Variants in LYPD6 observed in about 807,000 individuals in gnomAD.
LYPD6 encodes the protein LY6/PLAUR domain containing 6, also known as ly6/PLAUR domain-containing protein 6.
Under a neutral mutation model 22.7 loss-of-function variants are expected in LYPD6, and 15 were observed. The ratio of observed to expected loss-of-function variants is 0.66; its 90% CI spans 0.44 to 1.02. LYPD6 has a LOEUF of 1.02. Ranked by LOEUF, LYPD6 falls within the 50% of genes least tolerant of loss-of-function variation. LYPD6 has a pLI of 0.00. For synonymous variants in LYPD6, 72 were observed against 77.5 expected, an observed-to-expected ratio of 0.93 and a Z score of 0.37; for missense variants, 189 against 208.4, an observed-to-expected ratio of 0.91 and a Z score of 0.57.
chr2:149,365,493 A>C (rs140059761), intron 1 of LYPD6, among the ~76,000 whole-genome samples: 1 of 152,266 alleles, frequency 6.6e-6, no homozygotes, highest in East Asian at 1.9e-4. Flanking sequence ...TTTAATGCAC[A>C]AATGGATCTG....
chr2:149,481,831 A>G, the LYPD6 span, among the ~76,000 whole-genome samples: 1 of 152,238 alleles, frequency 6.6e-6, no homozygotes, highest in Non-Finnish European at 1.5e-5. Context: ...TTCCAATTTT[A>G]TGCAATGTGG....
intron 2 of LYPD6, among the ~76,000 whole-genome samples, chr2:149,440,761 T>C (rs955510725): frequency 7.0e-6 from 1 of 143,630 alleles, no homozygotes; most frequent in East Asian, 2.1e-4. Context: ...AGTGCAGTGG[T>C]GCGATCTTGG....
At chr2:149,415,987 T>C (rs1470277082) in intron 1 of LYPD6, among the ~76,000 whole-genome samples, 1 of 152,164 alleles carries the variant, frequency 6.6e-6, no homozygotes. Context: ...CAGCCTAACC[T>C]GTAATTCTAA....
At chr2:149,416,825 G>A (rs576323787) in intron 1 of LYPD6, among the ~76,000 whole-genome samples, 1 of 152,286 alleles carries the variant, frequency 6.6e-6, no homozygotes, top group South Asian at 2.1e-4. Context: ...TCGCCTCCTA[G>A]CTGGTGCTTC....
chr2:149,433,013 C>T (rs1683351603), intron 1 of LYPD6, among the ~76,000 whole-genome samples: 1 of 152,094 alleles, frequency 6.6e-6, no homozygotes, highest in Non-Finnish European at 1.5e-5. Context: ...AATATTAAAA[C>T]ACTCCTTAAG....
At chr2:149,379,572 A>C (rs1398583815) in intron 1 of LYPD6, among the ~76,000 whole-genome samples, 1 of 152,202 alleles carries the variant, frequency 6.6e-6, no homozygotes, top group African/African-American at 2.4e-5. Context: ...ATCGTGATTG[A>C]ACTTACCTTG....
At chr2:149,388,604 C>T (rs1187906999) in intron 1 of LYPD6, among the ~76,000 whole-genome samples, 1 of 151,816 alleles carries the variant, frequency 6.6e-6, no homozygotes, top group African/African-American at 2.4e-5. Context: ...GTGGAACTCT[C>T]ACAACTCCAC....
chr2:149,464,152 T>C (rs1214001063), intron 3 of LYPD6: 4 of 400,406 alleles, frequency 1.0e-5, no homozygotes, highest in African/African-American at 2.2e-5. Context: ...AAAAATCAAT[T>C]GTTTTGATCA....
chr2:149,418,117 G>A (rs996501223), intron 1 of LYPD6, among the ~76,000 whole-genome samples: 1 of 152,138 alleles, frequency 6.6e-6, no homozygotes, highest in South Asian at 2.1e-4. Context: ...GCATGGGCTC[G>A]ATCTCTATGG....
rs1382382969 is a variant in LYPD6 at position 149,398,426 on chromosome 2, TGTG to T, written c.-71-39211_-71-39209del. 3.7e-4 allele frequency among the ~76,000 whole-genome samples: 55 copies of T among 149,456 alleles called. 1 individual carries two copies. The highest frequency in any genetic ancestry group is 1.2e-3 in the African/African-American group (46 of 39,068). On this transcript the variant is annotated intron_variant, in intron 1 of 4. Coordinates refer to ENST00000334166, the MANE Select transcript of LYPD6 (RefSeq NM_194317.5). ...GCAAAGATGGCTTTGTGTGTGTGTG[TGTG>T]TGTGTGTGTGTGTGTGTGTATGTGT... is the stretch of plus-strand genomic sequence containing the variant.
intron 1 of LYPD6, among the ~76,000 whole-genome samples, chr2:149,430,727 C>T (rs77578833): frequency 0.012 from 1,825 of 152,204 alleles, 44 homozygotes; most frequent in African/African-American, 0.042. Flanking sequence ...TGACTTAGTC[C>T]TGAGATTTTG....
chr2:149,332,885 C>G (rs539511649), intron 1 of LYPD6, among the ~76,000 whole-genome samples: 3 of 152,078 alleles, frequency 2.0e-5, no homozygotes, highest in African/African-American at 7.2e-5. Flanking sequence ...CAAAGAGATA[C>G]GTTATTTTTG....
At chr2:149,372,847 A>G (rs1489021068) in intron 1 of LYPD6, among the ~76,000 whole-genome samples, 1 of 152,226 alleles carries the variant, frequency 6.6e-6, no homozygotes, top group Non-Finnish European at 1.5e-5. Flanking sequence ...GTAAAAATTC[A>G]CAGAGCTTTA....
chr2:149,442,658 A>C (rs935386877), intron 2 of LYPD6, among the ~76,000 whole-genome samples: 18 of 152,080 alleles, frequency 1.2e-4, no homozygotes, highest in African/African-American at 3.9e-4. Context: ...AAAAAAAAAA[A>C]AACCTCTTTA....
chr2:149,395,782 G>A (rs975894341), intron 1 of LYPD6, among the ~76,000 whole-genome samples: 6 of 152,096 alleles, frequency 3.9e-5, no homozygotes, highest in African/African-American at 1.2e-4. Context: ...TATTCAAGAG[G>A]TTTCTTTTAT....
At chr2:149,389,965 C>T (rs1327633607) in intron 1 of LYPD6, among the ~76,000 whole-genome samples, 3 of 152,148 alleles carry the variant, frequency 2.0e-5, no homozygotes, top group Admixed American at 1.3e-4. Flanking sequence ...TGGCTCTTGA[C>T]CTTTTAGCAT....
intron 1 of LYPD6, among the ~76,000 whole-genome samples, chr2:149,344,680 T>G (rs1681221307): frequency 6.6e-6 from 1 of 152,210 alleles, no homozygotes; most frequent in African/African-American, 2.4e-5. Flanking sequence ...TTTATTTGGC[T>G]TCTGCACCAG....
downstream of LYPD6, among the ~76,000 whole-genome samples, chr2:149,476,430 T>C (rs576913276): frequency 6.6e-6 from 1 of 152,300 alleles, no homozygotes; most frequent in East Asian, 1.9e-4. Context: ...GAAGTAGTTT[T>C]CTCGGGGTTT....
At chr2:149,372,866 A>G (rs1169512670) in intron 1 of LYPD6, among the ~76,000 whole-genome samples, 1 of 152,210 alleles carries the variant, frequency 6.6e-6, no homozygotes, top group African/African-American at 2.4e-5. Context: ...TATTTACAGC[A>G]GTGAAAAAGA....
Sources: gnomAD v4.1 joint callset for allele counts (sites outside exome capture counted in the v4.1 genomes callset) on GRCh38, gnomAD v4.1.1 for gene constraint, MANE v1.5 for transcripts, NCBI Gene and HGNC (gene_info 2026-07-23, HGNC 2026-07-21) for gene names.